Variants in TBX1 observed in about 807,000 individuals in gnomAD.
The protein encoded by TBX1 is T-box transcription factor TBX1.
A neutral mutation model predicts 40.8 loss-of-function variants in TBX1; 16 were observed. That is an observed-to-expected ratio of 0.39 (90% confidence interval 0.27 to 0.60). The LOEUF is 0.60. Among genes scored for constraint, TBX1 ranks in the 20% least tolerant of loss-of-function variants. TBX1 has a pLI of 0.51. For missense variants in TBX1, 755 were observed against 728.5 expected (o/e 1.04, Z -0.42); for synonymous variants, 403 against 336.8 (o/e 1.20, Z -2.15).
chr22:19,782,188 A>G (rs1170386221), downstream of TBX1, among the ~76,000 whole-genome samples: 2 of 152,204 alleles, frequency 1.3e-5, no homozygotes, highest in Admixed American at 6.5e-5. Context: ...TATTTCTACA[A>G]AAAATGTCAT....
At chr22:19,763,543 G>A (rs922352412) in intron 2 of TBX1, 6 of 602,158 alleles carry the variant, frequency 1.0e-5, no homozygotes, top group African/African-American at 3.7e-5. Flanking sequence ...CTCAGAACCC[G>A]CCTCTGGAGC....
chr22:19,764,054 G>C, intron 2 of TBX1, 101 bp from the exon 3 acceptor site: 1 of 1,344,098 alleles, frequency 7.4e-7, no homozygotes, highest in Non-Finnish European at 1.0e-6. Context: ...TCTCACAGGT[G>C]GGGAAACTTC....
chr22:19,766,087 C>T (rs992823960), intron 6 of TBX1, 85 bp downstream of exon 6: 2 of 1,186,120 alleles, frequency 1.7e-6, no homozygotes, highest in Non-Finnish European at 1.1e-6. Flanking sequence ...TCGCCTGCGC[C>T]CCCGGGGCGC....
chr22:19,761,445 C>T (rs1936659028), intron 1 of TBX1, among the ~76,000 whole-genome samples, 165 bp downstream of exon 1: 1 of 151,780 alleles, frequency 6.6e-6, no homozygotes, highest in South Asian at 2.1e-4. Flanking sequence ...GTTCGCCGTC[C>T]CGGCTCCGGC....
At chr22:19,765,533 C>T (rs1338328494) in intron 4 of TBX1, among the ~76,000 whole-genome samples, 2 of 152,136 alleles carry the variant, frequency 1.3e-5, no homozygotes, top group South Asian at 2.1e-4. Flanking sequence ...ACCTGGGGGA[C>T]ACCAGAGAGG....
At chr22:19,772,212 C>T (rs963466028), downstream of TBX1, among the ~76,000 whole-genome samples, 1 of 152,208 alleles carries the variant, frequency 6.6e-6, no homozygotes, top group Non-Finnish European at 1.5e-5. Context: ...AAGCGATTCT[C>T]CTGCCTCAGC....
downstream of TBX1, chr22:19,782,851 A>G: frequency 6.2e-7 from 1 of 1,613,798 alleles, no homozygotes; most frequent in Admixed American, 1.7e-5. Flanking sequence ...GATAAAGGCC[A>G]CAAACACTTT....
upstream of TBX1, among the ~76,000 whole-genome samples, chr22:19,758,010 G>A (rs572984562): frequency 6.6e-6 from 1 of 152,104 alleles, no homozygotes; most frequent in South Asian, 2.1e-4. Flanking sequence ...ATCCCAGACA[G>A]GCAGCACTAT....
chr22:19,764,899 C>G, intron 3 of TBX1, 59 bp from the exon 4 acceptor site: 2 of 1,606,314 alleles, frequency 1.2e-6, no homozygotes, highest in Non-Finnish European at 1.7e-6. Flanking sequence ...TCCTGGCTCC[C>G]ACCCCAGATC....
At chr22:19,775,981 C>T (rs980406001) in intron 8 of TBX1, among the ~76,000 whole-genome samples, 7 of 152,272 alleles carry the variant, frequency 4.6e-5, no homozygotes, top group East Asian at 3.9e-4. Context: ...GGAGGGTTAC[C>T]GGAGCCATCC....
rs1936858411 is a variant in TBX1, at chr22:19,766,606, G to T, written c.1254G>T (p.Glu418Asp). ...ELRLEAPGAS[E>D]PLHHHPYKYP... is the part of the protein sequence containing the mutation. ...GCCTGGAGGCGCCCGGCGCATCGGA[G>T]CCGCTGCACCACCACCCCTACAAAT... The change falls in exon 7 of 7, where the codon GAG (glutamate) becomes GAT (aspartate). Residue 418 changes from glutamate (E) to aspartate (D), a missense_variant. This residue lies in a region of TBX1 where 412 missense variants were observed against 317.6 expected (regional missense o/e 1.30). Coordinates refer to ENST00000649276, the MANE Select transcript of TBX1 (RefSeq NM_001379200.1). 2 of 1,512,062 alleles carry T rather than the reference G, an allele frequency of 1.3e-6. No individual in the cohort carries two copies. Among genetic ancestry groups the T allele is most frequent in the Non-Finnish European group, 1.8e-6 (2 of 1,137,440 alleles). The allele number at this position is 1,512,062 out of a possible 1,614,324, so 93.7% of individuals were successfully genotyped here.
downstream of TBX1, among the ~76,000 whole-genome samples, chr22:19,782,697 G>A (rs1937153503): frequency 6.6e-6 from 1 of 152,162 alleles, no homozygotes; most frequent in African/African-American, 2.4e-5. Flanking sequence ...AAGCTGAGTG[G>A]GTGCACACTG....
chr22:19,768,918 A>C (rs1319853499), downstream of TBX1, among the ~76,000 whole-genome samples: 1 of 145,114 alleles, frequency 6.9e-6, no homozygotes, highest in Non-Finnish European at 1.5e-5. Context: ...GCCGTCCAGC[A>C]GGGCCGCCGC....
At chr22:19,782,929 C>T (rs776573713), downstream of TBX1, 1 of 1,611,018 alleles carries the variant, frequency 6.2e-7, no homozygotes, top group Non-Finnish European at 8.5e-7. Flanking sequence ...TCACAGAAGG[C>T]TCTGGGCTCC....
chr22:19,776,014 C>A (rs1937059304), intron 8 of TBX1, among the ~76,000 whole-genome samples: 1 of 152,146 alleles, frequency 6.6e-6, no homozygotes, highest in African/African-American at 2.4e-5. Context: ...CCTCCAAGTG[C>A]TCGGGCCCCA....
At chr22:19,762,018 C>T (rs905608314) in intron 1 of TBX1, among the ~76,000 whole-genome samples, 4 of 152,258 alleles carry the variant, frequency 2.6e-5, no homozygotes, top group African/African-American at 7.2e-5. Flanking sequence ...GCTCGGAGTC[C>T]GAACAGCCAA....
chr22:19,763,725 G>C (rs1936741840), intron 2 of TBX1: 2 of 400,210 alleles, frequency 5.0e-6, no homozygotes, highest in East Asian at 1.0e-4. Context: ...GGGCCGGAAA[G>C]GTGGGGTGGC....
chr22:19,777,331 A>G (rs1025197459), intron 8 of TBX1, among the ~76,000 whole-genome samples: 1 of 151,208 alleles, frequency 6.6e-6, no homozygotes, highest in Non-Finnish European at 1.5e-5. Flanking sequence ...TGTCCTTGCG[A>G]TAGTTTGCTG....
At chr22:19,764,893 G>T in intron 3 of TBX1, 65 bp from the exon 4 acceptor site, 1 of 1,600,378 alleles carries the variant, frequency 6.2e-7, no homozygotes, top group Non-Finnish European at 8.6e-7. Context: ...CCCATTTCCT[G>T]GCTCCCACCC....
Sources: allele counts gnomAD v4.1 joint callset (sites outside exome capture counted in the v4.1 genomes callset), GRCh38; gene constraint gnomAD v4.1.1; regional missense constraint gnomAD v4.1.1; transcripts MANE v1.5; gene names NCBI Gene and HGNC (gene_info 2026-07-23, HGNC 2026-07-21).